The following C12orf42 variants were observed in gnomAD, a reference collection of about 807,000 sequenced individuals.
C12orf42 encodes the protein uncharacterized protein C12orf42.
C12orf42 carries 25 observed loss-of-function variants against 21.6 expected under a neutral mutation model. The ratio of observed to expected loss-of-function variants is 1.16; its 90% confidence interval spans 0.84 to 1.62. C12orf42 has a LOEUF of 1.62. Ranked by LOEUF, C12orf42 falls within the 40% of genes most tolerant of loss-of-function variation. The probability of loss-of-function intolerance (pLI) is 0.00; values close to 1 mark genes in which losing one functional copy is unlikely to be tolerated. For missense variants in C12orf42, 483 were observed against 459.3 expected, an observed-to-expected ratio of 1.05 and a Z score of -0.47; for synonymous variants, 174 against 175.0, an observed-to-expected ratio of 0.99 and a Z score of 0.05.
downstream of C12orf42, among the ~76,000 whole-genome samples, chr12:103,300,190 G>A (rs760857260): frequency 4.6e-5 from 7 of 152,206 alleles, no homozygotes; most frequent in Non-Finnish European, 8.8e-5. Flanking sequence ...AAACACGTAT[G>A]TGTTTACACA....
chr12:103,509,966 A>T, the C12orf42 span, among the ~76,000 whole-genome samples: 233 of 152,332 alleles, frequency 1.5e-3, 1 homozygote, highest in African/African-American at 5.4e-3. Flanking sequence ...AAGAACGAAA[A>T]GTAAAAGCAC....
chr12:103,228,308 C>T, the C12orf42 span, among the ~76,000 whole-genome samples: 96 of 151,618 alleles, frequency 6.3e-4, 1 homozygote, highest in East Asian at 7.8e-4. Flanking sequence ...GAGTGGGGGT[C>T]GCAAGGTGCT....
chr12:103,293,474 G>T (rs902047754), intron 4 of C12orf42, among the ~76,000 whole-genome samples: 1 of 151,974 alleles, frequency 6.6e-6, no homozygotes, highest in South Asian at 2.1e-4. Context: ...CCACTATTTT[G>T]TCCCTTCAAA....
chr12:103,437,753 A>G (rs9668380), intron 2 of C12orf42, among the ~76,000 whole-genome samples: 116,575 of 142,738 alleles, frequency 0.82, 47,786 homozygotes, highest in Admixed American at 0.87. Context: ...TGAAATTGAG[A>G]CAATAATTAA....
At chr12:103,130,711 G>A in the C12orf42 span, among the ~76,000 whole-genome samples, 3 of 152,320 alleles carry the variant, frequency 2.0e-5, no homozygotes, top group East Asian at 5.8e-4. Context: ...TCCGTAGGTA[G>A]AATGACCCTG....
At chr12:103,322,121 GCGCGCACACACACACA>G (rs1566077798) in intron 4 of C12orf42, among the ~76,000 whole-genome samples, 2,534 of 97,736 alleles carry the variant, frequency 0.026, 97 homozygotes, top group African/African-American at 0.11. Context: ...GTGCGCGCGC[GCGCGCACACACACACA>G]CACACACACA....
chr12:103,131,976 T>C, the C12orf42 span, among the ~76,000 whole-genome samples: 3 of 152,144 alleles, frequency 2.0e-5, no homozygotes, highest in Admixed American at 6.6e-5. Flanking sequence ...CTAGTGATAA[T>C]GATGATGGTG....
chr12:103,261,348 G>A (rs903840352), intron 10 of C12orf42, among the ~76,000 whole-genome samples: 2 of 151,994 alleles, frequency 1.3e-5, no homozygotes, highest in Admixed American at 6.6e-5. Context: ...TGGGCTATGT[G>A]GTATATGCCT....
chr12:103,265,703 C>A (rs1403866895), downstream of C12orf42, among the ~76,000 whole-genome samples: 1 of 151,988 alleles, frequency 6.6e-6, no homozygotes, highest in African/African-American at 2.4e-5. Context: ...GGTTGGGGGA[C>A]CTGGAAACTG....
chr12:103,082,411 T>C, the C12orf42 span, among the ~76,000 whole-genome samples: 2 of 152,244 alleles, frequency 1.3e-5, no homozygotes, highest in Non-Finnish European at 2.9e-5. Context: ...TCCAGTGTTT[T>C]TCCCCCATTT....
chr12:103,228,198 AAG>A, the C12orf42 span, among the ~76,000 whole-genome samples: 1 of 152,136 alleles, frequency 6.6e-6, no homozygotes, highest in Non-Finnish European at 1.5e-5. Flanking sequence ...CTGAGTCCAA[AAG>A]AGAGTCAGCA....
chr12:103,174,571 G>A, the C12orf42 span, among the ~76,000 whole-genome samples: 1 of 146,654 alleles, frequency 6.8e-6, no homozygotes, highest in Non-Finnish European at 1.5e-5. Context: ...AACTCAGGGA[G>A]TCTGTTTTTT....
chr12:103,405,741 G>A (rs1413609408), intron 2 of C12orf42, among the ~76,000 whole-genome samples: 1 of 152,136 alleles, frequency 6.6e-6, no homozygotes, highest in Non-Finnish European at 1.5e-5. Flanking sequence ...CCAGGAGATA[G>A]CTTTTGAAAT....
At chr12:103,288,953 T>C (rs1230289530) in intron 4 of C12orf42, among the ~76,000 whole-genome samples, 1 of 152,196 alleles carries the variant, frequency 6.6e-6, no homozygotes, top group East Asian at 1.9e-4. Flanking sequence ...ATTTCTCTTA[T>C]AAACAATTTC....
chr12:103,204,258 A>G, the C12orf42 span, among the ~76,000 whole-genome samples: 1 of 152,150 alleles, frequency 6.6e-6, no homozygotes, highest in African/African-American at 2.4e-5. Context: ...TTATGGACAG[A>G]CCCTAAAACT....
chr12:103,170,277 A>T, the C12orf42 span, among the ~76,000 whole-genome samples: 1 of 152,116 alleles, frequency 6.6e-6, no homozygotes, highest in East Asian at 1.9e-4. Context: ...ATAATTCTTA[A>T]TTGCATGCTT....
the C12orf42 span, among the ~76,000 whole-genome samples, chr12:103,090,761 T>C: frequency 2.6e-5 from 4 of 152,286 alleles, no homozygotes; most frequent in East Asian, 1.9e-4. Context: ...AAATTCTGCC[T>C]TTAAACCAGA....
At chr12:103,436,995 A>C (rs1475794041) in intron 2 of C12orf42, among the ~76,000 whole-genome samples, 1 of 150,436 alleles carries the variant, frequency 6.6e-6, no homozygotes, top group Non-Finnish European at 1.5e-5. Context: ...AATTGACCAC[A>C]TACTTGGAAG....
At chr12:103,266,124 T>A (rs893328280), downstream of C12orf42, among the ~76,000 whole-genome samples, 6 of 152,178 alleles carry the variant, frequency 3.9e-5, no homozygotes, top group African/African-American at 1.4e-4. Flanking sequence ...CCTCCTCAAA[T>A]GCTTCTAAAA....
Sources: gnomAD v4.1 joint callset for allele counts (sites outside exome capture counted in the v4.1 genomes callset) on GRCh38, gnomAD v4.1.1 for gene constraint, MANE v1.5 for transcripts, NCBI Gene and HGNC (gene_info 2026-07-23, HGNC 2026-07-21) for gene names.